Variants in CRYBA1 observed in about 807,000 individuals in gnomAD.
CRYBA1 encodes crystallin beta A1, also known as beta-crystallin A3.
Under a neutral mutation model 36.2 loss-of-function variants are expected in CRYBA1, and 25 were observed. That is an observed-to-expected ratio of 0.69 (90% CI 0.50 to 0.97). The LOEUF (loss-of-function observed/expected upper bound fraction) is 0.97, where lower values mean the gene tolerates loss of function less well. Ranked by LOEUF, CRYBA1 falls within the 50% of genes least tolerant of loss-of-function variation. The probability of loss-of-function intolerance (pLI) is 0.00; values close to 1 mark genes in which losing one functional copy is unlikely to be tolerated. For synonymous variants in CRYBA1, 111 were observed against 90.0 expected (o/e 1.23, Z -1.32); for missense variants, 224 against 276.3 (o/e 0.81, Z 1.34).
At chr17:29,253,203 T>C (rs1295430835) in intron 4 of CRYBA1, among the ~76,000 whole-genome samples, 1 of 152,242 alleles carries the variant, frequency 6.6e-6, no homozygotes, top group Non-Finnish European at 1.5e-5. Flanking sequence ...GGTTAGTCTC[T>C]GTCTTTTTAA....
intron 3 of CRYBA1, 129 bp downstream of exon 3, chr17:29,250,429 A>G (rs996165240): frequency 1.3e-6 from 1 of 748,574 alleles, no homozygotes; most frequent in Non-Finnish European, 2.5e-6. Context: ...ACAGGCCTCG[A>G]AAGAAATCAC....
intron 1 of CRYBA1, 24 bp downstream of exon 1, chr17:29,246,918 CT>C: frequency 6.2e-7 from 1 of 1,601,496 alleles, no homozygotes; most frequent in South Asian, 1.1e-5. Flanking sequence ...TCAGGGTGCC[CT>C]TGCCCTTCCT....
In CRYBA1 at chr17:29,249,149, T is replaced by C; in HGVS notation, c.39T>C (p.Leu13=). The C allele has an allele frequency of 1.2e-6, 2 of 1,611,920 alleles. No homozygotes were observed. Among genetic ancestry groups the C allele is most frequent in the Non-Finnish European group, 8.5e-7 (1 of 1,178,288 alleles). ...TQAEQQELET[L]PTTKMAQTNP... ...GTGTGCTCTGTCTTCCAGAAACCCTTCCAACCACCAAGATGGCTCAGACCA... is the reference window on the plus strand; with the variant it reads ...GTGTGCTCTGTCTTCCAGAAACCCTCCCAACCACCAAGATGGCTCAGACCA... Residue 13 remains leucine (L), a synonymous_variant, in exon 2 of 6, where the codon CTT becomes CTC. Coordinates refer to ENST00000225387, the MANE Select transcript of CRYBA1 (RefSeq NM_005208.5).
intron 2 of CRYBA1, 49 bp downstream of exon 2, chr17:29,249,255 C>T: frequency 1.6e-6 from 2 of 1,275,320 alleles, no homozygotes; most frequent in Non-Finnish European, 2.3e-6. Flanking sequence ...ACATGCTGCA[C>T]AGAGCAGGCC....
chr17:29,247,354 CTTT>C (rs1237666744), intron 1 of CRYBA1, among the ~76,000 whole-genome samples: 1 of 152,134 alleles, frequency 6.6e-6, no homozygotes, highest in African/African-American at 2.4e-5. Flanking sequence ...TCTGTCCTTC[CTTT>C]TTTAAAACTC....
intron 1 of CRYBA1, among the ~76,000 whole-genome samples, chr17:29,248,128 A>G (rs2068912311): frequency 1.3e-5 from 2 of 151,938 alleles, no homozygotes; most frequent in South Asian, 4.2e-4. Flanking sequence ...AAAAAAAAAA[A>G]AGAAAAAGAA....
At position 29,252,019 on chromosome 17, in the gene CRYBA1, T is replaced by TGA. The variant is rs753412285; in HGVS notation, c.216-45_216-44insGA. The TGA allele has an allele frequency of 1.5e-5, 25 of 1,613,984 alleles. 1 individual carries two copies. Among genetic ancestry groups the TGA allele is most frequent in the Middle Eastern group, 3.3e-4 (2 of 6,060 alleles). ...GAAAGATGCCTTCTCCCCAAGGCCA[T>TGA]ATAGGCTTTGAACACCATGAACAAA... is the stretch of plus-strand genomic sequence containing the variant. On this transcript the variant is annotated intron_variant, in intron 3 of 5. Coordinates refer to ENST00000225387, the MANE Select transcript of CRYBA1 (RefSeq NM_005208.5).
rs763892526 is a variant in CRYBA1 at position 29,250,246 on chromosome 17, A to G, written c.161A>G (p.Asn54Ser). The change falls in exon 3 of 6, where the codon AAT becomes AGT. Residue 54 changes from asparagine to serine, a missense_variant. Asn to Ser is a conservative substitution (Grantham distance 46). Coordinates refer to ENST00000225387, the MANE Select transcript of CRYBA1 (RefSeq NM_005208.5). The stretch of plus-strand genomic sequence containing the variant: ...ATGGAGTTCACCAGCTCCTGTCCAA[A>G]TGTCTCTGAGCGCAGTTTTGATAAT... ...KRMEFTSSCP[N>S]VSERSFDNVR... is the part of the protein sequence containing the mutation. 1 of 1,613,794 alleles carries G rather than the reference A, an allele frequency of 6.2e-7. No homozygotes were observed. Among genetic ancestry groups the G allele is most frequent in the South Asian group, 1.1e-5 (1 of 91,074 alleles).
chr17:29,254,363 C>A lies in CRYBA1; in HGVS notation c.*14C>A. ...ATCCAACAGTAGCTGATTAAAAGCT[C>A]CAAGTACGATAATTCCTCAAGCATG... On this transcript the variant is annotated 3_prime_UTR_variant, in exon 6 of 6. Coordinates refer to ENST00000225387, the MANE Select transcript of CRYBA1 (RefSeq NM_005208.5). 7 of 1,613,906 alleles carry A rather than the reference C, an allele frequency of 4.3e-6. No individual in the cohort carries two copies. The highest frequency in any genetic ancestry group is 5.9e-6 in the Non-Finnish European group (7 of 1,179,872).
intron 1 of CRYBA1, among the ~76,000 whole-genome samples, chr17:29,247,597 CT>C (rs150886704): frequency 3.2e-3 from 492 of 152,342 alleles, no homozygotes; most frequent in African/African-American, 0.011. Context: ...CAATGTCCCC[CT>C]GATCCCTCAT....
intron 3 of CRYBA1, among the ~76,000 whole-genome samples, chr17:29,251,706 T>C (rs1043263114): frequency 2.6e-5 from 4 of 152,252 alleles, no homozygotes; most frequent in Middle Eastern, 3.4e-3. Context: ...CTCCAACTCA[T>C]GGGCTCAAGC....
Position 29,252,122 on chromosome 17 carries a change from G to A in CRYBA1, c.274G>A (p.Glu92Lys), listed in dbSNP as rs763431195. The change falls in exon 4 of 6, where the codon GAA (glutamate) becomes AAA (lysine). Residue 92 changes from glutamate (E) to lysine (K), a missense_variant. Coordinates refer to ENST00000225387, the MANE Select transcript of CRYBA1 (RefSeq NM_005208.5). ...GCAACAGTTTATCCTGGAGAGAGGA[G>A]AATACCCTCGCTGGGATGCCTGGAG... ...CGQQFILERG[E>K]YPRWDAWSGS... 1 of 1,614,054 alleles carries A rather than the reference G, an allele frequency of 6.2e-7. No homozygotes were observed. The highest frequency in any genetic ancestry group is 8.5e-7 in the Non-Finnish European group (1 of 1,180,040).
chr17:29,254,080 G>T, intron 5 of CRYBA1, 122 bp from the exon 6 acceptor site: 1 of 1,103,586 alleles, frequency 9.1e-7, no homozygotes, highest in Non-Finnish European at 1.3e-6. Context: ...ATTTAGGATG[G>T]CTATTTTTTC....
Position 29,252,157 on chromosome 17 carries a change from T to C in CRYBA1, c.309T>C (p.Asn103=), listed in dbSNP as rs759439567. 5 of 1,614,096 alleles carry C rather than the reference T, an allele frequency of 3.1e-6. No individual in the cohort carries two copies. Among genetic ancestry groups the C allele is most frequent in the Middle Eastern group, 1.6e-4 (1 of 6,062 alleles). The change falls in exon 4 of 6, where the codon AAT becomes AAC. Residue 103 remains asparagine, a synonymous_variant. Transcript: ENST00000225387. ...GCTGGGATGCCTGGAGTGGGAGTAATGCCTACCACATTGAGCGTCTCATGT... is the reference window on the plus strand; with the variant it reads ...GCTGGGATGCCTGGAGTGGGAGTAACGCCTACCACATTGAGCGTCTCATGT... ...YPRWDAWSGS[N]AYHIERLMSF...
At chr17:29,252,297 T>C (rs1447910055) in intron 4 of CRYBA1, 92 bp downstream of exon 4, 1 of 1,529,058 alleles carries the variant, frequency 6.5e-7, no homozygotes, top group African/African-American at 1.4e-5. Flanking sequence ...TCATCAGTTA[T>C]GCTGAATGTG....
At chr17:29,247,188 A>G (rs1432491061) in intron 1 of CRYBA1, among the ~76,000 whole-genome samples, 1 of 152,218 alleles carries the variant, frequency 6.6e-6, no homozygotes, top group Non-Finnish European at 1.5e-5. Flanking sequence ...TCAGAGATTC[A>G]GAATGGAAAA....
At chr17:29,251,309 C>G (rs567266334) in intron 3 of CRYBA1, among the ~76,000 whole-genome samples, 1 of 152,068 alleles carries the variant, frequency 6.6e-6, no homozygotes, top group Admixed American at 6.6e-5. Flanking sequence ...ATAACGATAG[C>G]TGATGACCTA....
chr17:29,251,977 ATTGAC>A (rs929240337), intron 3 of CRYBA1, 82 bp from the exon 4 acceptor site: 4 of 1,563,550 alleles, frequency 2.6e-6, no homozygotes, highest in African/African-American at 1.4e-5. Context: ...TTACCCCACT[ATTGAC>A]TTATCTAAAA....
chr17:29,247,853 A>G (rs569416741), intron 1 of CRYBA1, among the ~76,000 whole-genome samples: 21 of 152,364 alleles, frequency 1.4e-4, no homozygotes, highest in African/African-American at 5.0e-4. Flanking sequence ...GCCGTGGCTC[A>G]TGCCTGTAAT....
Sources: allele counts gnomAD v4.1 joint callset (sites outside exome capture counted in the v4.1 genomes callset), GRCh38; gene constraint gnomAD v4.1.1; transcripts MANE v1.5; gene names NCBI Gene and HGNC (gene_info 2026-07-23, HGNC 2026-07-21).